Variants in CAST observed in about 807,000 individuals in gnomAD.
CAST encodes calpastatin.
Under a neutral mutation model 119.6 loss-of-function variants are expected in CAST, and 76 were observed. The observed-to-expected ratio is 0.64, with a 90% CI of 0.53 to 0.77. CAST has a LOEUF of 0.77. Among genes scored for constraint, CAST ranks in the 30% least tolerant of loss-of-function variants. The pLI is 0.00. For missense variants in CAST, 953 were observed against 946.5 expected (o/e 1.01, Z -0.09); for synonymous variants, 319 against 331.6 (o/e 0.96, Z 0.41).
At chr5:96,088,549 A>T in the CAST span, among the ~76,000 whole-genome samples, 1 of 152,234 alleles carries the variant, frequency 6.6e-6, no homozygotes, top group Non-Finnish European at 1.5e-5. Flanking sequence ...CCTGGATCCT[A>T]CAAGTTGGAT....
the CAST span, among the ~76,000 whole-genome samples, chr5:95,994,466 TA>T: frequency 2.0e-5 from 3 of 152,000 alleles, no homozygotes; most frequent in South Asian, 2.1e-4. Context: ...GGCTGGGTGT[TA>T]GGGGGAGGGT....
chr5:95,974,567 C>T, the CAST span, among the ~76,000 whole-genome samples: 4 of 152,192 alleles, frequency 2.6e-5, no homozygotes, highest in Admixed American at 6.5e-5. Context: ...CTGCAAAAGG[C>T]AAAACATTTC....
the CAST span, among the ~76,000 whole-genome samples, chr5:96,159,670 GACTCAGCATA>G: frequency 6.6e-6 from 1 of 151,942 alleles, no homozygotes; most frequent in Non-Finnish European, 1.5e-5. Context: ...ATTTTTTTTA[GACTCAGCATA>G]ACCTTTCTTT....
chr5:96,044,887 C>G, the CAST span, among the ~76,000 whole-genome samples: 1 of 152,108 alleles, frequency 6.6e-6, no homozygotes, highest in South Asian at 2.1e-4. Context: ...ATATATAATT[C>G]TATTTACAAA....
At chr5:96,631,435 CT>C (rs1198387452) in intron 1 of CAST, among the ~76,000 whole-genome samples, 1 of 140,856 alleles carries the variant, frequency 7.1e-6, no homozygotes, top group East Asian at 2.1e-4. Context: ...TGTATCAGTA[CT>C]TTACTCCTTT....
chr5:96,134,786 A>T, the CAST span, among the ~76,000 whole-genome samples: 2 of 152,252 alleles, frequency 1.3e-5, no homozygotes, highest in African/African-American at 4.8e-5. Flanking sequence ...GCAATACAGC[A>T]GTGAAAGAGC....
chr5:96,735,884 G>A (rs2150484950), intron 9 of CAST, among the ~76,000 whole-genome samples: 1 of 152,284 alleles, frequency 6.6e-6, no homozygotes, highest in South Asian at 2.1e-4. Context: ...GAGAAGAACA[G>A]CGAGGAAAGA....
chr5:96,040,730 A>G, the CAST span, among the ~76,000 whole-genome samples: 1 of 152,158 alleles, frequency 6.6e-6, no homozygotes, highest in Admixed American at 6.6e-5. Context: ...AGCCAATTTG[A>G]TCATGGCGAA....
chr5:96,664,002 T>C (rs1243699864), intron 1 of CAST, among the ~76,000 whole-genome samples: 4 of 151,992 alleles, frequency 2.6e-5, no homozygotes, highest in Non-Finnish European at 4.4e-5. Flanking sequence ...AATGTTTATG[T>C]CTCATTGATT....
chr5:96,236,205 TATTTAACAGTTTTGTG>T, the CAST span, among the ~76,000 whole-genome samples: 1 of 152,180 alleles, frequency 6.6e-6, no homozygotes, highest in Non-Finnish European at 1.5e-5. Context: ...TCTTGGGAAA[TATTTAACAGTTTTGTG>T]GAAATCCCAA....
chr5:96,154,290 CA>C, the CAST span, among the ~76,000 whole-genome samples: 13 of 133,052 alleles, frequency 9.8e-5, no homozygotes, highest in Admixed American at 3.0e-4. Context: ...AAAACAACAA[CA>C]AAAAAAAAAC....
the CAST span, among the ~76,000 whole-genome samples, chr5:96,258,284 C>T: frequency 6.6e-6 from 1 of 152,104 alleles, no homozygotes; most frequent in Non-Finnish European, 1.5e-5. Flanking sequence ...CTGTTGCTCA[C>T]TGTTTCAGAG....
the CAST span, among the ~76,000 whole-genome samples, chr5:96,282,812 A>G: frequency 2.7e-4 from 41 of 152,200 alleles, no homozygotes; most frequent in African/African-American, 9.6e-4. Flanking sequence ...GCTGCAACTT[A>G]GAATCACCTG....
At chr5:96,658,657 C>A (rs970973354), upstream of CAST, among the ~76,000 whole-genome samples, 1 of 152,190 alleles carries the variant, frequency 6.6e-6, no homozygotes, top group African/African-American at 2.4e-5. Context: ...TAATTGCAAC[C>A]AGCATTTATT....
intron 10 of CAST, among the ~76,000 whole-genome samples, chr5:96,736,842 G>GTTT (rs1488367309): frequency 6.6e-6 from 1 of 152,068 alleles, no homozygotes; most frequent in Non-Finnish European, 1.5e-5. Context: ...ATTAGTCCAT[G>GTTT]TTTACACTGT....
intron 1 of CAST, among the ~76,000 whole-genome samples, chr5:96,619,526 T>C (rs1007410325): frequency 2.6e-5 from 4 of 152,240 alleles, no homozygotes; most frequent in African/African-American, 7.2e-5. Context: ...TGGGTCCTCT[T>C]CCACAGTGTG....
intron 1 of CAST, among the ~76,000 whole-genome samples, chr5:96,553,586 T>G (rs1746176752): frequency 6.6e-6 from 1 of 152,172 alleles, no homozygotes; most frequent in African/African-American, 2.4e-5. Flanking sequence ...AATAAAGGTA[T>G]TCAAAGAAGT....
the CAST span, among the ~76,000 whole-genome samples, chr5:96,376,230 A>T: frequency 6.6e-6 from 1 of 151,870 alleles, no homozygotes; most frequent in South Asian, 2.1e-4. Context: ...CCTATTGTAT[A>T]ACAATGTTGT....
chr5:96,670,400 A>G (rs1749905977), intron 1 of CAST, among the ~76,000 whole-genome samples: 1 of 152,242 alleles, frequency 6.6e-6, no homozygotes, highest in Admixed American at 6.5e-5. Context: ...TTTCAGAAGC[A>G]CACTAGCATT....
Sources: allele counts gnomAD v4.1 joint callset (sites outside exome capture counted in the v4.1 genomes callset), GRCh38; gene constraint gnomAD v4.1.1; transcripts MANE v1.5; gene names NCBI Gene and HGNC (gene_info 2026-07-23, HGNC 2026-07-21).